TOP1: variants seen among roughly 807,000 people sequenced by gnomAD.
The protein encoded by TOP1 is DNA topoisomerase I, also known as DNA topoisomerase 1.
A neutral mutation model predicts 111.1 loss-of-function variants in TOP1; 10 were observed. The observed-to-expected ratio is 0.09, with a 90% CI of 0.06 to 0.15. TOP1 has a LOEUF of 0.15. Among genes scored for constraint, TOP1 ranks in the 10% least tolerant of loss-of-function variants. The pLI, the probability that TOP1 is intolerant of heterozygous loss-of-function variation, is 1.00. For synonymous variants in TOP1, 271 were observed against 302.9 expected (o/e 0.89, Z 1.10); for missense variants, 474 against 926.7 (o/e 0.51, Z 6.34).
At chr20:41,108,483 C>T (rs1426028926) in intron 13 of TOP1, among the ~76,000 whole-genome samples, 1 of 152,186 alleles carries the variant, frequency 6.6e-6, no homozygotes, top group Non-Finnish European at 1.5e-5. Context: ...GTCACTGTCA[C>T]AGTTACACTA....
At chr20:41,108,112 T>G (rs905341250) in intron 13 of TOP1, among the ~76,000 whole-genome samples, 1 of 152,220 alleles carries the variant, frequency 6.6e-6, no homozygotes, top group Non-Finnish European at 1.5e-5. Flanking sequence ...ACTGGTGGTT[T>G]TACTTCATGG....
At chr20:41,075,727 G>T (rs1304472457) in intron 3 of TOP1, among the ~76,000 whole-genome samples, 1 of 152,236 alleles carries the variant, frequency 6.6e-6, no homozygotes, top group Non-Finnish European at 1.5e-5. Context: ...AATATCCACT[G>T]TATTGGGCTG....
Position 41,080,014 on chromosome 20 carries a change from C to A in TOP1, c.336-71C>A. 2 of 901,334 alleles carry A rather than the reference C, an allele frequency of 2.2e-6. No individual in the cohort carries two copies. Among genetic ancestry groups the A allele is most frequent in the Non-Finnish European group, 3.6e-6 (2 of 555,600 alleles). 55.8% of individuals were successfully genotyped at this position (901,334 alleles called of 1,614,324 possible). The stretch of plus-strand genomic sequence containing the variant: ...TGTTAGCTTCTTTTCAACGAAATGA[C>A]ATATTCCTTCTTTGTATTAATAGAA... On this transcript the variant is annotated intron_variant, in intron 5 of 20. Transcript: ENST00000361337. The surrounding 1 kb of genome is among the most constrained non-coding windows in gnomAD (Gnocchi z 5.0).
At chr20:41,117,322 G>A (rs2034346222) in intron 17 of TOP1, among the ~76,000 whole-genome samples, 2 of 151,374 alleles carry the variant, frequency 1.3e-5, no homozygotes, top group South Asian at 2.1e-4. Flanking sequence ...GTGACAGGGT[G>A]AGACGCTATC....
Position 41,039,271 on chromosome 20 carries a change from T to C in TOP1, c.58+9816T>C, listed in dbSNP as rs188015799. On this transcript the variant is annotated intron_variant, in intron 2 of 20. Coordinates refer to ENST00000361337, the MANE Select transcript of TOP1 (RefSeq NM_003286.4). ...CAGTCACTTCCTCTGTTGAGATTTT[T>C]CATTAGGCCTCAGTACAAAGGCTGC... Among the ~76,000 whole-genome samples the C allele has an allele frequency of 6.2e-4, 94 of 152,310 alleles. 2 individuals are homozygous for C. In the East Asian group the frequency reaches 0.015, roughly 24 times the overall value.
rs779709460 is a variant in TOP1 at position 41,029,766 on chromosome 20, C to G, written c.58+311C>G. The stretch of plus-strand genomic sequence containing the variant: ...GCCTTGTCGACGGTCGGGACTTAGT[C>G]TCTGCGCCATTTTCTTTTTCTCTCT... On this transcript the variant is annotated intron_variant, in intron 2 of 20. Coordinates refer to ENST00000361337, the MANE Select transcript of TOP1 (RefSeq NM_003286.4). The surrounding 1 kb of genome is among the most constrained non-coding windows in gnomAD (Gnocchi z 6.1). The G allele has an allele frequency of 2.1e-6, 1 of 467,230 alleles. No homozygotes were observed. Among genetic ancestry groups the G allele is most frequent in the Non-Finnish European group, 3.9e-6 (1 of 258,496 alleles). 28.9% of individuals were successfully genotyped at this position (467,230 alleles called of 1,614,324 possible). A position where few individuals can be genotyped will look rare whatever the true frequency, so the allele number is the denominator to read the frequency against.
Position 41,029,312 on chromosome 20 carries a change from A to AC in TOP1, c.34-114dup. 1 of 945,610 alleles carries AC rather than the reference A, an allele frequency of 1.1e-6. No homozygotes were observed. The highest frequency in any genetic ancestry group is 1.5e-6 in the Non-Finnish European group (1 of 669,836). The allele number at this position is 945,610 out of a possible 1,614,324, so 58.6% of individuals were successfully genotyped here. A position where few individuals can be genotyped will look rare whatever the true frequency, so the allele number is the denominator to read the frequency against. ...GCAGGGATGGCTGCCCTCTGTGGCC[A>AC]CCCCCGGGTCCCCGTCCTCCCCGGG... On this transcript the variant is annotated intron_variant, in intron 1 of 20. Transcript: ENST00000361337. This position sits in a 1 kb window ranked among gnomAD's most constrained non-coding sequence, Gnocchi z 6.1.
At chr20:41,091,519 C>T (rs758613062) in intron 8 of TOP1, among the ~76,000 whole-genome samples, 8 of 148,724 alleles carry the variant, frequency 5.4e-5, no homozygotes, top group African/African-American at 7.5e-5. Context: ...GAAAATGGTT[C>T]GGCCAAAATA....
intron 17 of TOP1, among the ~76,000 whole-genome samples, chr20:41,117,894 A>G (rs532349217): frequency 2.0e-4 from 30 of 152,250 alleles, no homozygotes; most frequent in African/African-American, 7.2e-4. Context: ...GAGTAAAAAG[A>G]AAGGTGTAGA....
chr20:41,045,215 G>A (rs1446274890), intron 2 of TOP1, among the ~76,000 whole-genome samples: 1 of 152,124 alleles, frequency 6.6e-6, no homozygotes, highest in African/African-American at 2.4e-5. Context: ...GACAGCTCTA[G>A]ATAAAATTTA....
chr20:41,116,466 A>C lies in TOP1; in HGVS notation c.1822+74A>C, dbSNP rs969031265. 11 of 1,194,402 alleles carry C rather than the reference A, an allele frequency of 9.2e-6. No individual in the cohort carries two copies. The highest frequency in any genetic ancestry group is 1.4e-5 in the Non-Finnish European group (11 of 813,668). The allele number at this position is 1,194,402 out of a possible 1,614,324, so 74.0% of individuals were successfully genotyped here. A position where few individuals can be genotyped will look rare whatever the true frequency, so the allele number is the denominator to read the frequency against. ...CGGTGACCTTGCTTATCTAAGGCCT[A>C]GAGTCAGTTCTACTTTTTTTCCCTA... On this transcript the variant is annotated intron_variant, in intron 17 of 20. Coordinates refer to ENST00000361337, the MANE Select transcript of TOP1 (RefSeq NM_003286.4). This position sits in a 1 kb window ranked among gnomAD's most constrained non-coding sequence, Gnocchi z 5.6.
chr20:41,091,810 C>T (rs925668273), intron 8 of TOP1, among the ~76,000 whole-genome samples: 1 of 151,994 alleles, frequency 6.6e-6, no homozygotes, highest in African/African-American at 2.4e-5. Flanking sequence ...GTGATCTGCC[C>T]GCCTCGGCCT....
At chr20:41,066,844 G>A (rs983366316) in intron 3 of TOP1, among the ~76,000 whole-genome samples, 5 of 151,786 alleles carry the variant, frequency 3.3e-5, no homozygotes, top group Admixed American at 6.6e-5. Flanking sequence ...GTGAGCCACC[G>A]CGCCTGGCCA....
intron 8 of TOP1, among the ~76,000 whole-genome samples, chr20:41,088,183 AAC>A (rs1242570072): frequency 6.6e-6 from 1 of 152,062 alleles, no homozygotes. Context: ...GAGTCGTAAA[AAC>A]AGTTTGGAGT....
rs1446671210 is a variant in TOP1 at position 41,084,504 on chromosome 20, A to G, written c.550A>G (p.Lys184Glu). Reference sequence around the variant, plus strand: ...ACCCAAGAATAAAGATAAAGATAAAAAAGTTCCTGAGCCAGATAACAAGAA... The same window carrying G: ...ACCCAAGAATAAAGATAAAGATAAAGAAGTTCCTGAGCCAGATAACAAGAA... ...KKPKNKDKDKKVPEPDNKKKK... is the reference protein window; with the variant it reads ...KKPKNKDKDKEVPEPDNKKKK... The change falls in exon 8 of 21, where the codon AAA becomes GAA. Residue 184 changes from lysine to glutamate, a missense_variant. Coordinates refer to ENST00000361337, the MANE Select transcript of TOP1 (RefSeq NM_003286.4). 26 of 1,577,132 alleles carry G rather than the reference A, an allele frequency of 1.6e-5. No homozygotes were observed. The highest frequency in any genetic ancestry group is 2.1e-5 in the Non-Finnish European group (24 of 1,161,104).
At position 41,116,181 on chromosome 20, in the gene TOP1, C is replaced by T. The variant is rs943756824; in HGVS notation, c.1708-97C>T. 2.6e-5 allele frequency: 19 copies of T among 739,426 alleles called. No homozygotes were observed. The highest frequency in any genetic ancestry group is 4.2e-5 in the Non-Finnish European group (18 of 432,364). The allele number at this position is 739,426 out of a possible 1,614,324, so 45.8% of individuals were successfully genotyped here. On this transcript the variant is annotated intron_variant, in intron 16 of 20. Coordinates refer to ENST00000361337, the MANE Select transcript of TOP1 (RefSeq NM_003286.4). This position sits in a 1 kb window ranked among gnomAD's most constrained non-coding sequence, Gnocchi z 5.6. ...CCCACTTGTAGGGCAATAAACTTGA[C>T]AAGATTGTGACTGCACTGGCATAAA...
rs765233453 is a variant in TOP1, at chr20:41,061,642, A to C, written c.155+152A>C. On this transcript the variant is annotated intron_variant, in intron 3 of 20. Coordinates refer to ENST00000361337, the MANE Select transcript of TOP1 (RefSeq NM_003286.4). The surrounding 1 kb of genome is among the most constrained non-coding windows in gnomAD (Gnocchi z 4.6). ...TCCTAGAGTTGCTATGAGGATGGCC[A>C]TGATTTAGGCCTTAAATGGGATGCC... 4.5e-6 allele frequency: 3 copies of C among 667,162 alleles called. No homozygotes were observed. Among genetic ancestry groups the C allele is most frequent in the Non-Finnish European group, 7.6e-6 (3 of 394,114 alleles). 41.3% of individuals were successfully genotyped at this position (667,162 alleles called of 1,614,324 possible). A position where few individuals can be genotyped will look rare whatever the true frequency, so the allele number is the denominator to read the frequency against.
chr20:41,066,301 G>T (rs1157895079), intron 3 of TOP1, among the ~76,000 whole-genome samples: 1 of 150,038 alleles, frequency 6.7e-6, no homozygotes, highest in Non-Finnish European at 1.5e-5. Flanking sequence ...CCTCATCCTT[G>T]TACATCCATT....
Position 41,076,251 on chromosome 20 carries a change from A to G in TOP1, c.236A>G (p.Asp79Gly). 1 of 1,606,174 alleles carries G rather than the reference A, an allele frequency of 6.2e-7. No individual in the cohort carries two copies. Among genetic ancestry groups the G allele is most frequent in the South Asian group, 1.1e-5 (1 of 90,786 alleles). ...HKDGSSEKHK[D>G]KHKDRDKEKR... ...GATGGAAGCTCAGAAAAGCATAAAG[A>G]CAAACATAAAGACAGAGACAAGGAA... Residue 79 changes from aspartate (D) to glycine (G), a missense_variant, in exon 4 of 21, where the codon GAC (aspartate) becomes GGC (glycine). Coordinates refer to ENST00000361337, the MANE Select transcript of TOP1 (RefSeq NM_003286.4).
Sources: gnomAD v4.1 joint callset for allele counts (sites outside exome capture counted in the v4.1 genomes callset) on GRCh38, gnomAD v4.1.1 for gene constraint, Gnocchi (gnomAD v3.1) non-coding constraint, MANE v1.5 for transcripts, NCBI Gene and HGNC (gene_info 2026-07-23, HGNC 2026-07-21) for gene names.